The following CSAD variants were observed in gnomAD, a reference collection of about 807,000 sequenced individuals.
CSAD encodes the protein cysteine sulfinic acid decarboxylase, also known as P-selectin cytoplasmic tail-associated protein.
CSAD carries 47 observed loss-of-function variants against 61.5 expected under a neutral mutation model. The ratio of observed to expected loss-of-function variants is 0.76; its 90% confidence interval spans 0.60 to 0.97. The LOEUF (loss-of-function observed/expected upper bound fraction) is 0.97, where lower values mean the gene tolerates loss of function less well. Among genes scored for constraint, CSAD ranks in the 50% least tolerant of loss-of-function variants. The pLI is 0.00. For missense variants in CSAD, 611 were observed against 643.6 expected (o/e 0.95, Z 0.55); for synonymous variants, 245 against 252.7 (o/e 0.97, Z 0.29).
upstream of CSAD, chr12:53,180,994 C>T: frequency 4.9e-6 from 4 of 822,838 alleles, no homozygotes; most frequent in Non-Finnish European, 6.1e-6. Context: ...GGGGAAAGGC[C>T]GTGCGCGCAC....
chr12:53,169,999 G>A (rs1940369106), intron 10 of CSAD, 73 bp downstream of exon 10: 1 of 1,331,880 alleles, frequency 7.5e-7, no homozygotes, highest in Non-Finnish European at 1.1e-6. Context: ...AGGATGCCTT[G>A]AGAAAGGAGA....
Position 53,161,163 on chromosome 12 carries a change from G to A in CSAD, c.848C>T (p.Ser283Leu), listed in dbSNP as rs1592306382. 1 of 1,614,158 alleles carries A rather than the reference G, an allele frequency of 6.2e-7. No homozygotes were observed. The highest frequency in any genetic ancestry group is 1.1e-5 in the South Asian group (1 of 91,084). ...ATCCAGGAGATGCCTGTGTGTCTGT[G>A]ACAGCAGGACGCTCCCACCCCAGGC... ...DAAWGGSVLLSQTHRHLLDGI... is the reference protein window; with the variant it reads ...DAAWGGSVLLLQTHRHLLDGI... Residue 283 changes from serine (S) to leucine (L), a missense_variant, in exon 12 of 17, where the codon TCA becomes TTA. Ser to Leu is a moderately radical substitution (Grantham distance 145, BLOSUM62 -2). Coordinates refer to ENST00000444623, the MANE Select transcript of CSAD (RefSeq NM_001244705.2).
chr12:53,170,230 A>C (rs1005368545), intron 9 of CSAD, 104 bp from the exon 10 acceptor site: 2 of 1,159,848 alleles, frequency 1.7e-6, no homozygotes, highest in Non-Finnish European at 2.6e-6. Flanking sequence ...TTTTTCCCTC[A>C]GGGGGTGAAA....
chr12:53,177,460 C>CT (rs1555173993), intron 2 of CSAD, among the ~76,000 whole-genome samples: 1 of 151,872 alleles, frequency 6.6e-6, no homozygotes, highest in Non-Finnish European at 1.5e-5. Flanking sequence ...AATGATCTAC[C>CT]TTTTTTTAAT....
intron 10 of CSAD, among the ~76,000 whole-genome samples, chr12:53,164,037 C>A (rs991712532): frequency 2.0e-5 from 3 of 152,178 alleles, no homozygotes; most frequent in Non-Finnish European, 4.4e-5. Flanking sequence ...GGTGTTGGAA[C>A]AACTGGATAT....
intron 10 of CSAD, among the ~76,000 whole-genome samples, chr12:53,163,327 G>A (rs556858084): frequency 3.3e-5 from 5 of 152,204 alleles, no homozygotes; most frequent in South Asian, 2.1e-4. Flanking sequence ...AGCCCTGATC[G>A]TGCCACTGCA....
intron 3 of CSAD, 51 bp downstream of exon 3, chr12:53,173,677 G>A (rs1940858553): frequency 6.8e-7 from 1 of 1,466,298 alleles, no homozygotes; most frequent in Non-Finnish European, 9.5e-7. Context: ...AGTCAGTGCT[G>A]AGCAAGTGGA....
At chr12:53,170,176 G>C in intron 9 of CSAD, 50 bp from the exon 10 acceptor site, 1 of 1,547,892 alleles carries the variant, frequency 6.5e-7, no homozygotes, top group Non-Finnish European at 8.9e-7. Flanking sequence ...CTCTGTTGAA[G>C]GCAGGGTAAG....
Position 53,172,525 on chromosome 12 carries a change from T to C in CSAD, c.250A>G (p.Thr84Ala). 4 of 1,614,110 alleles carry C rather than the reference T, an allele frequency of 2.5e-6. 1 individual carries two copies. In the Middle Eastern group the frequency reaches 5.0e-4, roughly 200 times the overall value. Residue 84 changes from threonine to alanine, a missense_variant, in exon 5 of 17, where the codon ACT becomes GCT. Physicochemically the swap from Thr to Ala is moderately conservative, Grantham distance 58 (BLOSUM62 0). Transcript: ENST00000444623. ...CCTCACAGAAGCCAGGGCCCACCAG[T>C]CTTGACACTGTAGCGAATCACAGCC... is the stretch of plus-strand genomic sequence containing the variant. ...CRAVIRYSVK[T>A]GHPRFFNQLF...
intron 7 of CSAD, 173 bp from the exon 8 acceptor site, chr12:53,171,614 T>C: frequency 1.5e-6 from 1 of 675,448 alleles, no homozygotes; most frequent in Non-Finnish European, 2.5e-6. Flanking sequence ...CAGCAGATCC[T>C]CTTGACCACA....
At chr12:53,174,563 G>A (rs1940959629) in intron 2 of CSAD, among the ~76,000 whole-genome samples, 1 of 152,110 alleles carries the variant, frequency 6.6e-6, no homozygotes, top group African/African-American at 2.4e-5. Flanking sequence ...GGATGCTGAG[G>A]TGGGTGGATC....
chr12:53,170,356 T>A, intron 9 of CSAD, 67 bp downstream of exon 9: 1 of 1,415,046 alleles, frequency 7.1e-7, no homozygotes, highest in Non-Finnish European at 1.0e-6. Flanking sequence ...ATGCCAGAGC[T>A]TTCTGGCGGC....
chr12:53,165,368 T>C (rs1399976063), intron 10 of CSAD, among the ~76,000 whole-genome samples: 3 of 130,384 alleles, frequency 2.3e-5, no homozygotes, highest in African/African-American at 2.9e-5. Context: ...AAACAGAAAA[T>C]AACAAGCGTT....
At position 53,178,350 on chromosome 12, in the gene CSAD, G is replaced by C. The variant is rs1043578057; in HGVS notation, c.-50+752C>G. The C allele has an allele frequency of 2.0e-5, 9 of 455,366 alleles. No individual in the cohort carries two copies. The East Asian group carries it at 5.6e-4, about 28-fold the overall frequency. The allele number at this position is 455,366 out of a possible 1,614,324, so 28.2% of individuals were successfully genotyped here. ...AAAAAAAAAACTACAAAATTATCCA[G>C]GCACAGTTGCCCACATCTGTAGTCC... is the stretch of plus-strand genomic sequence containing the variant. On this transcript the variant is annotated intron_variant, in intron 2 of 16. Coordinates refer to ENST00000444623, the MANE Select transcript of CSAD (RefSeq NM_001244705.2).
intron 1 of CSAD, 138 bp downstream of exon 1, chr12:53,180,594 A>G (rs917693778): frequency 2.3e-6 from 3 of 1,285,228 alleles, no homozygotes; most frequent in South Asian, 1.2e-5. Context: ...TGCGTCCCCA[A>G]GCTCACCCGC....
intron 2 of CSAD, 137 bp from the exon 3 acceptor site, chr12:53,173,907 A>C (rs1940889189): frequency 3.6e-6 from 3 of 826,916 alleles, no homozygotes; most frequent in Admixed American, 2.5e-5. Context: ...CCCAAAAAAA[A>C]ACCTCAGTAG....
At chr12:53,164,652 A>T (rs1392820330) in intron 10 of CSAD, 1 of 152,298 alleles carries the variant, frequency 6.6e-6, no homozygotes, top group African/African-American at 2.4e-5. Flanking sequence ...TGATGGGTTC[A>T]ATCGTGCCCC....
At chr12:53,180,119 A>C (rs2293429) in intron 1 of CSAD, 76,657 of 1,310,966 alleles carry the variant, frequency 0.058, 2,723 homozygotes, top group East Asian at 0.18. Context: ...AGTGTGGCCA[A>C]GGGCTACTCA....
chr12:53,172,558 G>C lies in CSAD; in HGVS notation c.217C>G (p.Arg73Gly). The C allele has an allele frequency of 1.2e-6, 2 of 1,613,640 alleles. No homozygotes were observed. Among genetic ancestry groups the C allele is most frequent in the Non-Finnish European group, 1.7e-6 (2 of 1,179,842 alleles). Residue 73 changes from arginine to glycine, a missense_variant, in exon 5 of 17, where the codon CGG becomes GGG. Physicochemically the swap from Arg to Gly is moderately radical, Grantham distance 125. Coordinates refer to ENST00000444623, the MANE Select transcript of CSAD (RefSeq NM_001244705.2). ...CTGTAGCGAATCACAGCCCGACACC[G>C]CTCCAGGATCTGCTTCTGTGACTCG... ...QGESQKQILE[R>G]CRAVIRYSVK...
Sources: gnomAD v4.1 joint callset for allele counts (sites outside exome capture counted in the v4.1 genomes callset) on GRCh38, gnomAD v4.1.1 for gene constraint, MANE v1.5 for transcripts, NCBI Gene and HGNC (gene_info 2026-07-23, HGNC 2026-07-21) for gene names.